Variants in CDH13 observed in about 807,000 individuals in gnomAD.
CDH13 encodes cadherin-13.
Under a neutral mutation model 63.8 loss-of-function variants are expected in CDH13, and 24 were observed. The ratio of observed to expected loss-of-function variants is 0.38; its 90% CI spans 0.27 to 0.53. The LOEUF (loss-of-function observed/expected upper bound fraction) is 0.53, where lower values mean the gene tolerates loss of function less well. CDH13 is among the 20% of genes least tolerant of loss of function. CDH13 has a pLI of 0.85. For missense variants in CDH13, 1,049 were observed against 903.1 expected, an observed-to-expected ratio of 1.16 and a Z score of -2.07; for synonymous variants, 503 against 355.3, an observed-to-expected ratio of 1.42 and a Z score of -4.67.
intron 10 of CDH13, among the ~76,000 whole-genome samples, chr16:83,698,954 T>C (rs920501253): frequency 2.0e-5 from 3 of 152,250 alleles, no homozygotes; most frequent in South Asian, 4.1e-4. Context: ...CCATGGGCCA[T>C]AGTTTGCCAA....
intron 2 of CDH13, among the ~76,000 whole-genome samples, chr16:83,022,752 C>T (rs886302059): frequency 6.6e-6 from 1 of 152,196 alleles, no homozygotes. Context: ...AAGGGCCCCA[C>T]AACTTATGTG....
At chr16:82,734,441 C>T (rs558288934) in intron 1 of CDH13, among the ~76,000 whole-genome samples, 74 of 152,232 alleles carry the variant, frequency 4.9e-4, no homozygotes, top group African/African-American at 1.5e-3. Context: ...GAGGCAGGTG[C>T]GCCTGCAACA....
At chr16:82,956,126 T>C (rs896499826) in intron 2 of CDH13, among the ~76,000 whole-genome samples, 13 of 151,970 alleles carry the variant, frequency 8.6e-5, no homozygotes, top group African/African-American at 2.7e-4. Flanking sequence ...CTTTCTATTT[T>C]AGCAAATCAA....
chr16:82,968,490 C>CA (rs1908198424), intron 2 of CDH13, among the ~76,000 whole-genome samples: 1 of 152,188 alleles, frequency 6.6e-6, no homozygotes, highest in South Asian at 2.1e-4. Context: ...ATGGCCCTGC[C>CA]AGCGGCTTGG....
intron 5 of CDH13, among the ~76,000 whole-genome samples, chr16:83,256,916 C>T (rs1315416119): frequency 1.3e-5 from 2 of 151,632 alleles, no homozygotes. Flanking sequence ...CTTTCCCTCT[C>T]TCCTACAAAT....
intron 8 of CDH13, among the ~76,000 whole-genome samples, chr16:83,611,314 T>TG (rs1276114871): frequency 1.3e-5 from 2 of 152,116 alleles, no homozygotes; most frequent in African/African-American, 4.8e-5. Context: ...ATGTCATCTG[T>TG]GCTCTATTTT....
intron 7 of CDH13, among the ~76,000 whole-genome samples, chr16:83,590,097 T>C (rs992135739): frequency 6.6e-6 from 1 of 152,202 alleles, no homozygotes; most frequent in Non-Finnish European, 1.5e-5. Flanking sequence ...GATGAGGCCA[T>C]GAAGAGTTTG....
At chr16:83,293,348 C>G (rs2089509127) in intron 5 of CDH13, among the ~76,000 whole-genome samples, 1 of 152,100 alleles carries the variant, frequency 6.6e-6, no homozygotes, top group Non-Finnish European at 1.5e-5. Context: ...TTCTGGGGTC[C>G]TTGCTCTAAT....
intron 6 of CDH13, among the ~76,000 whole-genome samples, chr16:83,364,930 G>C (rs367743005): frequency 3.3e-5 from 5 of 152,310 alleles, no homozygotes; most frequent in African/African-American, 1.2e-4. Flanking sequence ...GCGGCAAAAG[G>C]AGGGAGAGAA....
At chr16:82,933,076 C>T (rs1309021402) in intron 2 of CDH13, among the ~76,000 whole-genome samples, 1 of 151,988 alleles carries the variant, frequency 6.6e-6, no homozygotes, top group Admixed American at 6.5e-5. Context: ...TTTAGGAAGG[C>T]TGAATCAAAT....
At chr16:83,026,480 A>G (rs928012560) in intron 2 of CDH13, among the ~76,000 whole-genome samples, 4 of 151,296 alleles carry the variant, frequency 2.6e-5, no homozygotes, top group African/African-American at 7.2e-5. Flanking sequence ...CAGGGGTGAA[A>G]TAGGTTCGAG....
At chr16:83,421,933 A>G (rs865973546) in intron 6 of CDH13, among the ~76,000 whole-genome samples, 1 of 152,240 alleles carries the variant, frequency 6.6e-6, no homozygotes, top group South Asian at 2.1e-4. Context: ...ATCCTTAGCC[A>G]TGATATTTTG....
rs191643282 is a variant in CDH13, at chr16:82,804,612, C to T, written c.46-53750C>T. Among the ~76,000 whole-genome samples, 55 of 152,196 alleles carry T rather than the reference C, an allele frequency of 3.6e-4. No individual in the cohort carries two copies. The Middle Eastern group carries it at 0.01, about 28-fold the overall frequency. On this transcript the variant is annotated intron_variant, in intron 1 of 13. Coordinates refer to ENST00000567109, the MANE Select transcript of CDH13 (RefSeq NM_001257.5). The stretch of plus-strand genomic sequence containing the variant: ...TGAAAAATAGTGGATTTAATATATG[C>T]CTTATCACATCAGTTTGTGGATTAG...
chr16:82,695,740 C>T (rs752552792), intron 1 of CDH13, among the ~76,000 whole-genome samples: 1 of 152,168 alleles, frequency 6.6e-6, no homozygotes, highest in Non-Finnish European at 1.5e-5. Context: ...GTTAGAACAG[C>T]AGGAGATTTG....
chr16:83,321,279 C>T (rs1458844212), intron 5 of CDH13, among the ~76,000 whole-genome samples: 1 of 152,182 alleles, frequency 6.6e-6, no homozygotes, highest in African/African-American at 2.4e-5. Flanking sequence ...TACACCACTT[C>T]CTTTGCAGAG....
chr16:83,500,779 C>A (rs771650295), intron 7 of CDH13, among the ~76,000 whole-genome samples: 1 of 151,236 alleles, frequency 6.6e-6, no homozygotes, highest in Non-Finnish European at 1.5e-5. Context: ...GGGGTTTCAC[C>A]ATGTTGGCCA....
intron 7 of CDH13, among the ~76,000 whole-genome samples, chr16:83,542,271 G>GTTTTGT (rs2150652625): frequency 6.6e-6 from 1 of 152,286 alleles, no homozygotes; most frequent in African/African-American, 2.4e-5. Context: ...TCAGAATCTG[G>GTTTTGT]TTTTGTTTTT....
At chr16:82,703,464 C>T (rs2031220306) in intron 1 of CDH13, among the ~76,000 whole-genome samples, 1 of 152,112 alleles carries the variant, frequency 6.6e-6, no homozygotes, top group Non-Finnish European at 1.5e-5. Flanking sequence ...GATAAATTTC[C>T]CCACTCCCTT....
At chr16:83,501,769 G>A (rs185684365) in intron 7 of CDH13, among the ~76,000 whole-genome samples, 1 of 152,154 alleles carries the variant, frequency 6.6e-6, no homozygotes, top group South Asian at 2.1e-4. Context: ...AGAAAAGCAC[G>A]GGACATATTG....
Sources: gnomAD v4.1 joint callset for allele counts (sites outside exome capture counted in the v4.1 genomes callset) on GRCh38, gnomAD v4.1.1 for gene constraint, MANE v1.5 for transcripts, NCBI Gene and HGNC (gene_info 2026-07-23, HGNC 2026-07-21) for gene names.